The following HECW2 variants were observed in gnomAD, a reference collection of about 807,000 sequenced individuals.
HECW2 encodes E3 ubiquitin-protein ligase HECW2.
A neutral mutation model predicts 175.2 loss-of-function variants in HECW2; 61 were observed. The observed-to-expected ratio is 0.35, with a 90% CI of 0.28 to 0.43. HECW2 has a LOEUF of 0.43. HECW2 is among the 20% of genes least tolerant of loss of function. The pLI is 1.00. For missense variants in HECW2, 1,524 were observed against 2,000.5 expected (o/e 0.76, Z 4.54); for synonymous variants, 671 against 731.0 (o/e 0.92, Z 1.32).
Position 196,240,461 on chromosome 2 carries a change from A to G in HECW2, c.3752T>C (p.Val1251Ala), listed in dbSNP as rs374428183. 27 of 1,608,646 alleles carry G rather than the reference A, an allele frequency of 1.7e-5. No homozygotes were observed. Among genetic ancestry groups the G allele is most frequent in the Non-Finnish European group, 2.3e-5 (27 of 1,178,052 alleles). The stretch of plus-strand genomic sequence containing the variant: ...CTGTTCTACTCACCCTTCCTCCCCA[A>G]CGAAGGTGACATATAGCTTATTTCT... Reference protein sequence around the residue: ...LQRNKLYVTFVGEEGLDYSGP... With the variant: ...LQRNKLYVTFAGEEGLDYSGP... Residue 1251 changes from valine (V) to alanine (A), a missense_variant, in exon 21 of 29, where the codon GTT (valine) becomes GCT (alanine). Val to Ala is a moderately conservative substitution (Grantham distance 64). Around this residue, in one of 11 missense-constraint regions of HECW2, gnomAD observed 291 missense variants for 412.2 expected, o/e 0.71. Coordinates refer to ENST00000644978, the MANE Select transcript of HECW2 (RefSeq NM_001348768.2).
intron 9 of HECW2, 68 bp downstream of exon 9, chr2:196,318,484 A>G: frequency 7.3e-7 from 1 of 1,375,918 alleles, no homozygotes; most frequent in Non-Finnish European, 9.4e-7. Flanking sequence ...CATTGAGGGG[A>G]AAACTACAGA....
chr2:196,572,975 T>C (rs924826920), intron 1 of HECW2, among the ~76,000 whole-genome samples: 2 of 152,166 alleles, frequency 1.3e-5, no homozygotes, highest in Non-Finnish European at 2.9e-5. Context: ...AAGACGTGTA[T>C]ATTACCAAAT....
At chr2:196,513,454 G>T (rs58691394) in intron 1 of HECW2, among the ~76,000 whole-genome samples, 7 of 152,142 alleles carry the variant, frequency 4.6e-5, no homozygotes, top group African/African-American at 1.7e-4. Flanking sequence ...AGACTGCAGT[G>T]AGCCATGATC....
intron 1 of HECW2, among the ~76,000 whole-genome samples, chr2:196,499,332 C>T (rs1343366315): frequency 1.3e-5 from 2 of 150,756 alleles, no homozygotes; most frequent in African/African-American, 2.4e-5. Context: ...AGCTTAAATA[C>T]ATTCTGACTG....
At chr2:196,283,985 C>A (rs754204321) in intron 14 of HECW2, among the ~76,000 whole-genome samples, 4 of 152,160 alleles carry the variant, frequency 2.6e-5, no homozygotes, top group Non-Finnish European at 5.9e-5. Context: ...TGAGCAATAT[C>A]TTTTTCCCCA....
At position 196,222,195 on chromosome 2, in the gene HECW2, G is replaced by A. The variant is rs1201917335; in HGVS notation, c.4146+16C>T. 6.2e-7 allele frequency: 1 copy of A among 1,610,784 alleles called. No homozygotes were observed. Among genetic ancestry groups the A allele is most frequent in the Admixed American group, 1.7e-5 (1 of 59,728 alleles). On this transcript the variant is annotated intron_variant, in intron 24 of 28. Transcript: ENST00000644978. ...CAGTTACCACACTTAGGCGCCAGGTGTGCAGATACACACACCTGCCCAAAT... is the reference window on the plus strand; with the variant it reads ...CAGTTACCACACTTAGGCGCCAGGTATGCAGATACACACACCTGCCCAAAT...
intron 19 of HECW2, among the ~76,000 whole-genome samples, chr2:196,251,627 C>T (rs1688857587): frequency 6.6e-6 from 1 of 152,126 alleles, no homozygotes; most frequent in Non-Finnish European, 1.5e-5. Context: ...GTAGTGAGGG[C>T]CTTTGAATCT....
chr2:196,422,141 A>T (rs537362634), intron 2 of HECW2, among the ~76,000 whole-genome samples: 3 of 152,272 alleles, frequency 2.0e-5, no homozygotes, highest in African/African-American at 7.2e-5. Context: ...ATTCCAAAGT[A>T]TGAGACTTTC....
chr2:196,388,274 A>T (rs1334669157), intron 2 of HECW2, among the ~76,000 whole-genome samples: 1 of 152,218 alleles, frequency 6.6e-6, no homozygotes, highest in Non-Finnish European at 1.5e-5. Flanking sequence ...AGTATGGATG[A>T]TACAGTGAGA....
chr2:196,203,409 T>G (rs1388513403), intron 28 of HECW2, among the ~76,000 whole-genome samples: 1 of 152,154 alleles, frequency 6.6e-6, no homozygotes, highest in East Asian at 1.9e-4. Context: ...AACACTGGAA[T>G]AAAAATATTA....
chr2:196,528,374 A>G (rs1688739177), intron 1 of HECW2, among the ~76,000 whole-genome samples: 1 of 152,212 alleles, frequency 6.6e-6, no homozygotes, highest in African/African-American at 2.4e-5. Context: ...ACGTATATTA[A>G]ATTACATAAA....
chr2:196,479,869 C>G (rs1575593630), intron 1 of HECW2, among the ~76,000 whole-genome samples: 1 of 152,312 alleles, frequency 6.6e-6, no homozygotes, highest in African/African-American at 2.4e-5. Context: ...CTTAAATGGT[C>G]TCCCTCCTTC....
chr2:196,236,131 C>T (rs373026219), intron 21 of HECW2, among the ~76,000 whole-genome samples: 18 of 152,216 alleles, frequency 1.2e-4, no homozygotes, highest in South Asian at 4.2e-4. Context: ...CAAAATAATA[C>T]TTTATATATA....
At chr2:196,320,615 G>A (rs1691906698) in intron 7 of HECW2, among the ~76,000 whole-genome samples, 176 bp from the exon 8 acceptor site, 1 of 152,082 alleles carries the variant, frequency 6.6e-6, no homozygotes, top group African/African-American at 2.4e-5. Flanking sequence ...TCATACAAAT[G>A]GAACACTTAT....
chr2:196,357,597 G>C (rs1693422306), intron 2 of HECW2, among the ~76,000 whole-genome samples: 1 of 152,150 alleles, frequency 6.6e-6, no homozygotes, highest in Admixed American at 6.5e-5. Flanking sequence ...CACCAACAAA[G>C]TTTGGCTCTG....
chr2:196,433,977 T>C (rs1322090267), intron 1 of HECW2, among the ~76,000 whole-genome samples: 1 of 152,196 alleles, frequency 6.6e-6, no homozygotes, highest in Non-Finnish European at 1.5e-5. Context: ...TGTTACCTCT[T>C]CTCCTAAATA....
chr2:196,574,159 G>A (rs1253532380), intron 1 of HECW2, among the ~76,000 whole-genome samples: 1 of 152,154 alleles, frequency 6.6e-6, no homozygotes, highest in Non-Finnish European at 1.5e-5. Context: ...GCTAGGCATG[G>A]CGGCTCACGT....
At chr2:196,305,098 A>G (rs1691209965) in intron 13 of HECW2, among the ~76,000 whole-genome samples, 1 of 152,200 alleles carries the variant, frequency 6.6e-6, no homozygotes, top group Admixed American at 6.5e-5. Context: ...TGTATCTTCT[A>G]TAGCCATCCA....
At chr2:196,307,322 T>C (rs1691305556) in intron 11 of HECW2, 89 bp from the exon 12 acceptor site, 1 of 814,844 alleles carries the variant, frequency 1.2e-6, no homozygotes, top group East Asian at 2.7e-5. Context: ...TTTCACTATC[T>C]TCTCAGCTTC....
Sources: gnomAD v4.1 joint callset for allele counts (sites outside exome capture counted in the v4.1 genomes callset) on GRCh38, gnomAD v4.1.1 for gene constraint, gnomAD v4.1.1 regional missense constraint, MANE v1.5 for transcripts, NCBI Gene and HGNC (gene_info 2026-07-23, HGNC 2026-07-21) for gene names.